FRAS1: variants seen among roughly 807,000 people sequenced by gnomAD.
FRAS1 encodes the protein Fraser extracellular matrix complex subunit 1, also known as extracellular matrix organizing protein FRAS1.
A neutral mutation model predicts 435.2 loss-of-function variants in FRAS1; 290 were observed. The ratio of observed to expected loss-of-function variants is 0.67; its 90% CI spans 0.61 to 0.73. The LOEUF is 0.73. Ranked by LOEUF, FRAS1 falls within the 30% of genes least tolerant of loss-of-function variation. The probability of loss-of-function intolerance (pLI) is 0.00; values close to 1 mark genes in which losing one functional copy is unlikely to be tolerated. For missense variants in FRAS1, 4,860 were observed against 5,001.5 expected (o/e 0.97, Z 0.85); for synonymous variants, 1,800 against 1,851.0 (o/e 0.97, Z 0.71).
chr4:78,242,993 G>T (rs57789054), intron 3 of FRAS1, among the ~76,000 whole-genome samples: 1,656 of 152,238 alleles, frequency 0.011, 25 homozygotes, highest in African/African-American at 0.037. Flanking sequence ...GAACACAAAG[G>T]TATTTAGAAC....
intron 9 of FRAS1, among the ~76,000 whole-genome samples, chr4:78,276,202 G>A (rs538355645): frequency 1.3e-5 from 2 of 152,020 alleles, no homozygotes; most frequent in African/African-American, 4.8e-5. Flanking sequence ...TGGTTGTTCT[G>A]GTTAGCCATT....
chr4:78,407,585 A>T (rs1322080710), intron 30 of FRAS1, 78 bp from the exon 31 acceptor site: 2 of 1,190,164 alleles, frequency 1.7e-6, no homozygotes, highest in Non-Finnish European at 2.3e-6. Context: ...TAAAAAAAAA[A>T]TGAGTAGTAG....
At chr4:78,081,706 C>T (rs2109876970) in intron 2 of FRAS1, among the ~76,000 whole-genome samples, 1 of 152,234 alleles carries the variant, frequency 6.6e-6, no homozygotes, top group Non-Finnish European at 1.5e-5. Context: ...ATCTGGGAGC[C>T]TCAGAGTCAG....
At position 78,377,392 on chromosome 4, in the gene FRAS1, C is replaced by G. The variant is rs143828904; in HGVS notation, c.3292+1513C>G. 2.7e-3 allele frequency among the ~76,000 whole-genome samples: 404 copies of G among 152,268 alleles called. 1 individual carries two copies. Among genetic ancestry groups the G allele is most frequent in the African/African-American group, 9.4e-3 (389 of 41,554 alleles). On this transcript the variant is annotated intron_variant, in intron 26 of 73. Transcript: ENST00000512123. ...ATAAGTCCACTTGTGAAAATGAGTGCCACTCTCATTAGAGCGATCTTACAG... is the reference window on the plus strand; with the variant it reads ...ATAAGTCCACTTGTGAAAATGAGTGGCACTCTCATTAGAGCGATCTTACAG...
Position 78,369,892 on chromosome 4 carries a change from G to A in FRAS1, c.2777G>A (p.Arg926Gln), listed in dbSNP as rs746247794. 29 of 1,613,790 alleles carry A rather than the reference G, an allele frequency of 1.8e-5. No homozygotes were observed. The highest frequency in any genetic ancestry group is 5.3e-5 in the African/African-American group (4 of 75,034). ...TCACAGGCCAGCTGTACCTCCTGCCGAGATCCAAACAAGGTTCTGCTCTTT... is the reference window on the plus strand; with the variant it reads ...TCACAGGCCAGCTGTACCTCCTGCCAAGATCCAAACAAGGTTCTGCTCTTT... ...CDSQASCTSC[R>Q]DPNKVLLFGE... is the part of the protein sequence containing the mutation. The change falls in exon 23 of 74, where the codon CGA (arginine) becomes CAA (glutamine). Residue 926 changes from arginine to glutamine, a missense_variant. Arg to Gln is a conservative substitution (Grantham distance 43). Coordinates refer to ENST00000512123, the MANE Select transcript of FRAS1 (RefSeq NM_025074.7).
intron 2 of FRAS1, among the ~76,000 whole-genome samples, chr4:78,174,928 T>C (rs1578167145): frequency 6.6e-6 from 1 of 152,244 alleles, no homozygotes; most frequent in Non-Finnish European, 1.5e-5. Context: ...ATCAGAATAA[T>C]GCATTACATT....
At chr4:78,318,275 A>C (rs1362441117) in intron 17 of FRAS1, among the ~76,000 whole-genome samples, 4 of 152,204 alleles carry the variant, frequency 2.6e-5, no homozygotes, top group Non-Finnish European at 5.9e-5. Flanking sequence ...TTTGCTTTTC[A>C]CCAGTAGCCA....
chr4:78,259,977 T>C (rs1237228624), intron 6 of FRAS1, among the ~76,000 whole-genome samples: 6 of 152,176 alleles, frequency 3.9e-5, no homozygotes, highest in African/African-American at 7.2e-5. Context: ...CCTTTCCCCA[T>C]TGCTTGTTTT....
chr4:78,114,141 G>T (rs1230055602), intron 2 of FRAS1, among the ~76,000 whole-genome samples: 1 of 151,918 alleles, frequency 6.6e-6, no homozygotes, highest in East Asian at 1.9e-4. Flanking sequence ...ATAGTTGTAG[G>T]TATGCGGCAT....
chr4:78,305,513 C>T (rs1245979424), intron 14 of FRAS1, among the ~76,000 whole-genome samples: 2 of 147,992 alleles, frequency 1.4e-5, no homozygotes, highest in Non-Finnish European at 3.0e-5. Flanking sequence ...CTTTGTAGGT[C>T]GCTAAGGACT....
At chr4:78,378,567 G>A (rs1457671053) in intron 26 of FRAS1, among the ~76,000 whole-genome samples, 4 of 152,028 alleles carry the variant, frequency 2.6e-5, no homozygotes, top group African/African-American at 4.8e-5. Context: ...ATTTCTCCAC[G>A]ACCTAACAAT....
intron 18 of FRAS1, among the ~76,000 whole-genome samples, chr4:78,320,998 G>A (rs186170032): frequency 9.5e-4 from 144 of 152,302 alleles, no homozygotes; most frequent in Non-Finnish European, 1.8e-3. Flanking sequence ...ACCACTCAGC[G>A]CAGTTAGGTG....
At chr4:78,084,373 A>G (rs1741045967) in intron 2 of FRAS1, among the ~76,000 whole-genome samples, 1 of 152,136 alleles carries the variant, frequency 6.6e-6, no homozygotes, top group Non-Finnish European at 1.5e-5. Flanking sequence ...GTTACTATTG[A>G]TTGATTCCTT....
chr4:78,426,846 G>A (rs1578317252), intron 35 of FRAS1, among the ~76,000 whole-genome samples: 2 of 152,202 alleles, frequency 1.3e-5, no homozygotes, highest in Admixed American at 1.3e-4. Context: ...GCACCCAAGT[G>A]ATAGCTAGTT....
chr4:78,176,843 A>G (rs1314442290), intron 2 of FRAS1, among the ~76,000 whole-genome samples: 1 of 152,256 alleles, frequency 6.6e-6, no homozygotes, highest in African/African-American at 2.4e-5. Flanking sequence ...TAGCATGTCA[A>G]GAAAGAGCCT....
intron 20 of FRAS1, among the ~76,000 whole-genome samples, chr4:78,358,310 G>A (rs1048374489): frequency 2.5e-4 from 38 of 152,090 alleles, no homozygotes; most frequent in Admixed American, 2.0e-3. Context: ...TTGGTTTACT[G>A]TTTTTAAATT....
intron 2 of FRAS1, among the ~76,000 whole-genome samples, chr4:78,227,027 C>T (rs970465523): frequency 7.9e-5 from 12 of 152,218 alleles, no homozygotes; most frequent in South Asian, 2.1e-4. Flanking sequence ...TTTGTAGATA[C>T]TGGTTATCTG....
At chr4:78,503,468 T>A (rs1278082045) in intron 61 of FRAS1, among the ~76,000 whole-genome samples, 1 of 152,124 alleles carries the variant, frequency 6.6e-6, no homozygotes, top group African/African-American at 2.4e-5. Flanking sequence ...AGGAATTTAT[T>A]CATTTCTTCT....
chr4:78,523,671 C>T (rs143105015), intron 69 of FRAS1, among the ~76,000 whole-genome samples: 432 of 152,250 alleles, frequency 2.8e-3, no homozygotes, highest in Non-Finnish European at 3.0e-3. Context: ...AATTTTTGAT[C>T]TTATATCAGA....
Sources: gnomAD v4.1 joint callset for allele counts (sites outside exome capture counted in the v4.1 genomes callset) on GRCh38, gnomAD v4.1.1 for gene constraint, MANE v1.5 for transcripts, NCBI Gene and HGNC (gene_info 2026-07-23, HGNC 2026-07-21) for gene names.